ZNF517: variants seen among roughly 807,000 people sequenced by gnomAD.
ZNF517 encodes the protein zinc finger protein 517.
A neutral mutation model predicts 12.1 loss-of-function variants in ZNF517; 12 were observed. The observed-to-expected ratio is 0.99, with a 90% CI of 0.63 to 1.61. The LOEUF is 1.61. ZNF517 is among the 40% of genes most tolerant of loss of function. The probability of loss-of-function intolerance (pLI) is 0.00; values close to 1 mark genes in which losing one functional copy is unlikely to be tolerated. For synonymous variants in ZNF517, 388 were observed against 310.2 expected, an observed-to-expected ratio of 1.25 and a Z score of -2.63; for missense variants, 781 against 693.2, an observed-to-expected ratio of 1.13 and a Z score of -1.42.
chr8:144,801,557 A>G (rs1206949684), intron 1 of ZNF517, among the ~76,000 whole-genome samples: 4 of 151,990 alleles, frequency 2.6e-5, no homozygotes, highest in Non-Finnish European at 5.9e-5. Context: ...AGCTCACTGC[A>G]AGCTCCGCCT....
chr8:144,808,251 C>T lies in ZNF517; in HGVS notation c.1335C>T (p.Leu445=). 1 of 1,595,718 alleles carries T rather than the reference C, an allele frequency of 6.3e-7. No homozygotes were observed. Among genetic ancestry groups the T allele is most frequent in the South Asian group, 1.1e-5 (1 of 88,770 alleles). The part of the protein sequence containing the change: ...RSYTLNEHYR[L]HSGERPYRCR... Reference sequence around the variant, plus strand: ...ACACGCTGAACGAGCACTACCGGCTCCACAGCGGCGAGAGGCCATACCGGT... The same window carrying T: ...ACACGCTGAACGAGCACTACCGGCTTCACAGCGGCGAGAGGCCATACCGGT... The change falls in exon 5 of 5, where the codon CTC becomes CTT. Residue 445 remains leucine (L), a synonymous_variant. Transcript: ENST00000359971.
chr8:144,802,810 T>TG (rs1046187580), intron 1 of ZNF517, 60 bp from the exon 2 acceptor site: 9 of 1,599,404 alleles, frequency 5.6e-6, no homozygotes, highest in African/African-American at 2.7e-5. Context: ...AGGGGCCTTC[T>TG]GGGGGGCTGG....
intron 1 of ZNF517, chr8:144,802,639 G>T: frequency 2.3e-6 from 1 of 436,584 alleles, no homozygotes; most frequent in Non-Finnish European, 3.0e-6. Flanking sequence ...TTTAAAAAAT[G>T]GTGGTCACAG....
chr8:144,807,242 CCAGG>C lies in ZNF517; in HGVS notation c.335_338del (p.Ala112AspfsTer113). The C allele has an allele frequency of 6.5e-7, 1 of 1,549,090 alleles. No homozygotes were observed. The highest frequency in any genetic ancestry group is 1.2e-5 in the South Asian group (1 of 80,330). Reference sequence around the variant, plus strand: ...GAGTCTCCTCTGCAGAGAAAGCTCTCCAGGCAGGCAGGACTGCCGGGCACCGTGT... The same window carrying C: ...GAGTCTCCTCTGCAGAGAAAGCTCTCCAGGCAGGACTGCCGGGCACCGTGT... On this transcript the variant is annotated frameshift_variant, in exon 5 of 5. Coordinates refer to ENST00000359971, the MANE Select transcript of ZNF517 (RefSeq NM_213605.3). LOFTEE classifies it low-confidence loss of function (END_TRUNC).
In ZNF517 at chr8:144,808,543, C is replaced by A; in HGVS notation, c.*148C>A. On this transcript the variant is annotated 3_prime_UTR_variant, in exon 5 of 5. Coordinates refer to ENST00000359971, the MANE Select transcript of ZNF517 (RefSeq NM_213605.3). ...CCATCAGGAGCTCGGCTTCTTGCTC[C>A]AGCCGGGCACTGGGGAGGGAAAGGG... The A allele has an allele frequency of 8.5e-7, 1 of 1,173,728 alleles. No individual in the cohort carries two copies. The highest frequency in any genetic ancestry group is 1.1e-6 in the Non-Finnish European group (1 of 915,214). 72.7% of individuals were successfully genotyped at this position (1,173,728 alleles called of 1,614,324 possible).
rs984172250 is a variant in ZNF517 at position 144,807,564 on chromosome 8, A to G, written c.648A>G (p.Gln216=). The change falls in exon 5 of 5, where the codon CAA becomes CAG. Residue 216 remains glutamine, a synonymous_variant. Coordinates refer to ENST00000359971, the MANE Select transcript of ZNF517 (RefSeq NM_213605.3). ...CAGAGTGCGGGAAGGCCTTCAAGCA[A>G]AGCTCCATCCTGCTGCGGCACCAGC... ...QCTECGKAFK[Q]SSILLRHQLI... 8.8e-6 allele frequency: 14 copies of G among 1,599,116 alleles called. 1 individual carries two copies. Among genetic ancestry groups the G allele is most frequent in the Non-Finnish European group, 1.1e-5 (13 of 1,173,674 alleles).
At position 144,810,042 on chromosome 8, in the gene ZNF517, G is replaced by C; in HGVS notation, c.*1647G>C. 2.0e-6 allele frequency: 1 copy of C among 494,494 alleles called. No individual in the cohort carries two copies. Among genetic ancestry groups the C allele is most frequent in the South Asian group, 3.1e-5 (1 of 32,278 alleles). 30.6% of individuals were successfully genotyped at this position (494,494 alleles called of 1,614,324 possible). ...CACTCCAGCCTGGGTGACAGGGCAA[G>C]ACTCTGTCTCAAACAAATAAAAATC... On this transcript the variant is annotated 3_prime_UTR_variant, in exon 5 of 5. Coordinates refer to ENST00000359971, the MANE Select transcript of ZNF517 (RefSeq NM_213605.3).
intron 4 of ZNF517, among the ~76,000 whole-genome samples, chr8:144,805,289 A>G (rs1030850005): frequency 6.6e-6 from 1 of 152,176 alleles, no homozygotes; most frequent in African/African-American, 2.4e-5. Context: ...CTATCTCTGT[A>G]TGGCCTGGTT....
In ZNF517 at chr8:144,807,713, G is replaced by A; in HGVS notation, c.797G>A (p.Cys266Tyr). ...GAGCGGCCCTACGCATGCGGCGAGT[G>A]CGGCAAGGCCTTCAGCCGCAGCTCC... ...TRERPYACGE[C>Y]GKAFSRSSRL... The change falls in exon 5 of 5, where the codon TGC becomes TAC. Residue 266 changes from cysteine to tyrosine, a missense_variant. Coordinates refer to ENST00000359971, the MANE Select transcript of ZNF517 (RefSeq NM_213605.3). The A allele has an allele frequency of 6.2e-7, 1 of 1,611,746 alleles. No homozygotes were observed.
chr8:144,807,633 G>A lies in ZNF517; in HGVS notation c.717G>A (p.Gly239=), dbSNP rs546032313. 9.9e-6 allele frequency: 16 copies of A among 1,610,032 alleles called. No homozygotes were observed. The South Asian group carries it at 1.5e-4, about 16-fold the overall frequency. ...AGCCGTTCCAGTGCGGCGAGTGCGG[G>A]AAGGCCTTCCGGCAGAGCACGCAGC... ...EEKPFQCGEC[G]KAFRQSTQLA... Residue 239 remains glycine (G), a synonymous_variant, in exon 5 of 5, where the codon GGG becomes GGA. Coordinates refer to ENST00000359971, the MANE Select transcript of ZNF517 (RefSeq NM_213605.3).
intron 3 of ZNF517, 171 bp from the exon 4 acceptor site, chr8:144,803,954 C>T: frequency 6.4e-6 from 7 of 1,099,276 alleles, no homozygotes; most frequent in South Asian, 1.6e-5. Flanking sequence ...AGGCTTCTCT[C>T]CTGGGGCAGG....
chr8:144,810,561 C>T (rs1027775986), downstream of ZNF517: 1 of 264,034 alleles, frequency 3.8e-6, no homozygotes, highest in South Asian at 1.6e-4. Flanking sequence ...AAGTCTGGGC[C>T]ATGGGCAGGA....
chr8:144,802,252 C>T (rs935902392), intron 1 of ZNF517, among the ~76,000 whole-genome samples: 10 of 152,084 alleles, frequency 6.6e-5, no homozygotes, highest in African/African-American at 1.9e-4. Flanking sequence ...TTGCCCAGGC[C>T]GGAGTGCAAT....
intron 1 of ZNF517, among the ~76,000 whole-genome samples, chr8:144,799,685 A>G (rs974031505): frequency 2.6e-5 from 4 of 152,200 alleles, no homozygotes; most frequent in Non-Finnish European, 5.9e-5. Context: ...TCACGCCTGT[A>G]ATCCCAGCAC....
chr8:144,803,620 TAGCA>T lies in ZNF517; in HGVS notation c.34-20_34-17del. The T allele has an allele frequency of 6.2e-7, 1 of 1,613,648 alleles. No individual in the cohort carries two copies. The highest frequency in any genetic ancestry group is 1.1e-5 in the South Asian group (1 of 91,054). ...CTCACCGAGCCCTTGACTGCCTGGATAGCAGAGTATGTGGTTGCAGGAGGCGGTT... is the reference window on the plus strand; with the variant it reads ...CTCACCGAGCCCTTGACTGCCTGGATGAGTATGTGGTTGCAGGAGGCGGTT... On this transcript the variant is annotated splice_polypyrimidine_tract_variant and intron_variant, in intron 2 of 4. Coordinates refer to ENST00000359971, the MANE Select transcript of ZNF517 (RefSeq NM_213605.3).
rs1563809605 is a variant in ZNF517, at chr8:144,807,291, G to GCA, written c.377_378dup (p.Pro127ThrfsTer100). ...CCGTGTGGGGGTGCCTCCCCTGGGGGCACCCTGTGGGGGGGCACCCTGCAC... is the reference window on the plus strand; with the variant it reads ...CCGTGTGGGGGTGCCTCCCCTGGGGGCACACCCTGTGGGGGGGCACCCTGCAC... On this transcript the variant is annotated frameshift_variant, in exon 5 of 5. Coordinates refer to ENST00000359971, the MANE Select transcript of ZNF517 (RefSeq NM_213605.3). LOFTEE classifies it low-confidence loss of function (END_TRUNC). 3 of 1,552,192 alleles carry GCA rather than the reference G, an allele frequency of 1.9e-6. No individual in the cohort carries two copies. The highest frequency in any genetic ancestry group is 1.7e-6 in the Non-Finnish European group (2 of 1,149,898).
chr8:144,808,145 A>C lies in ZNF517; in HGVS notation c.1229A>C (p.Asn410Thr). Residue 410 changes from asparagine (N) to threonine (T), a missense_variant, in exon 5 of 5, where the codon AAC becomes ACC. By Grantham distance (65) the Asn-to-Thr change is moderately conservative (BLOSUM62 0). Coordinates refer to ENST00000359971, the MANE Select transcript of ZNF517 (RefSeq NM_213605.3). ...ECGKAFGRKS[N>T]LTLHQKIHTK... ...GGCAAGGCCTTCGGTCGCAAGTCCA[A>C]CCTCACTCTGCACCAGAAGATCCAC... The C allele has an allele frequency of 6.2e-7, 1 of 1,603,586 alleles. No individual in the cohort carries two copies. The highest frequency in any genetic ancestry group is 8.5e-7 in the Non-Finnish European group (1 of 1,175,834).
Position 144,807,724 on chromosome 8 carries a change from T to A in ZNF517, c.808T>A (p.Phe270Ile). The change falls in exon 5 of 5, where the codon TTC (phenylalanine) becomes ATC (isoleucine). Residue 270 changes from phenylalanine (F) to isoleucine (I), a missense_variant. Physicochemically the swap from Phe to Ile is conservative, Grantham distance 21. Transcript: ENST00000359971. ...PYACGECGKA[F>I]SRSSRLLQHQ... ...CGCATGCGGCGAGTGCGGCAAGGCCTTCAGCCGCAGCTCCCGGCTGCTGCA... is the reference window on the plus strand; with the variant it reads ...CGCATGCGGCGAGTGCGGCAAGGCCATCAGCCGCAGCTCCCGGCTGCTGCA... 6.2e-7 allele frequency: 1 copy of A among 1,611,932 alleles called. No individual in the cohort carries two copies. The highest frequency in any genetic ancestry group is 8.5e-7 in the Non-Finnish European group (1 of 1,179,464).
chr8:144,803,813 G>A (rs377379490), intron 3 of ZNF517, 46 bp downstream of exon 3: 103 of 1,594,104 alleles, frequency 6.5e-5, no homozygotes, highest in Non-Finnish European at 8.4e-5. Flanking sequence ...GTGCGTCTGT[G>A]TTAGCTTCAA....
Sources: gnomAD v4.1 joint callset for allele counts (sites outside exome capture counted in the v4.1 genomes callset) on GRCh38, gnomAD v4.1.1 for gene constraint, MANE v1.5 for transcripts, NCBI Gene and HGNC (gene_info 2026-07-23, HGNC 2026-07-21) for gene names.